DDAH1: variants seen among roughly 807,000 people sequenced by gnomAD.
The protein encoded by DDAH1 is dimethylarginine dimethylaminohydrolase 1, also known as N(G),N(G)-dimethylarginine dimethylaminohydrolase 1.
Under a neutral mutation model 28.8 loss-of-function variants are expected in DDAH1, and 19 were observed. That is an observed-to-expected ratio of 0.66 (90% confidence interval 0.46 to 0.97). DDAH1 has a LOEUF of 0.97. Among genes scored for constraint, DDAH1 ranks in the 50% least tolerant of loss-of-function variants. The pLI is 0.00. For missense variants in DDAH1, 326 were observed against 375.9 expected, an observed-to-expected ratio of 0.87 and a Z score of 1.10; for synonymous variants, 153 against 154.4, an observed-to-expected ratio of 0.99 and a Z score of 0.07.
chr1:85,432,298 A>G (rs1373538615), intron 1 of DDAH1, among the ~76,000 whole-genome samples: 3 of 152,210 alleles, frequency 2.0e-5, no homozygotes, highest in Admixed American at 1.3e-4. Flanking sequence ...GCTAACAGGT[A>G]CATGGTTAAG....
intron 1 of DDAH1, among the ~76,000 whole-genome samples, chr1:85,423,855 C>CT (rs1160894181): frequency 6.6e-6 from 1 of 152,176 alleles, no homozygotes; most frequent in Non-Finnish European, 1.5e-5. Flanking sequence ...GAAATCCTTG[C>CT]TTTGTTCCCA....
At chr1:85,387,220 C>G (rs1651317404) in intron 1 of DDAH1, among the ~76,000 whole-genome samples, 1 of 152,134 alleles carries the variant, frequency 6.6e-6, no homozygotes, top group Non-Finnish European at 1.5e-5. Context: ...TCTAAAAGTG[C>G]TTTTTCCTTC....
intron 1 of DDAH1, among the ~76,000 whole-genome samples, chr1:85,424,224 C>A (rs949121376): frequency 3.3e-5 from 5 of 152,112 alleles, no homozygotes; most frequent in African/African-American, 1.2e-4. Flanking sequence ...ACTGGCCACA[C>A]AGAATGAGTT....
rs142668085 is a variant in DDAH1 at position 85,416,817 on chromosome 1, A to G, written c.303+47926T>C. Among the ~76,000 whole-genome samples, 41 of 152,006 alleles carry G rather than the reference A, an allele frequency of 2.7e-4. No individual in the cohort carries two copies. The East Asian group carries it at 7.8e-3, about 29-fold the overall frequency. On this transcript the variant is annotated intron_variant, in intron 1 of 5. Transcript: ENST00000284031. ...TGAGTAGCTGTGACCACAGGTGCACATCACTACATCCAGCTAATTTTTGTT... is the reference window on the plus strand; with the variant it reads ...TGAGTAGCTGTGACCACAGGTGCACGTCACTACATCCAGCTAATTTTTGTT...
chr1:85,440,765 C>T (rs931111448), intron 1 of DDAH1, among the ~76,000 whole-genome samples: 1 of 152,242 alleles, frequency 6.6e-6, no homozygotes, highest in Non-Finnish European at 1.5e-5. Flanking sequence ...ACACCATCAA[C>T]CCCCTTAACA....
chr1:85,453,213 C>T (rs77138894), intron 1 of DDAH1, among the ~76,000 whole-genome samples: 2,562 of 152,236 alleles, frequency 0.017, 71 homozygotes, highest in East Asian at 0.12. Context: ...TTATCCCATC[C>T]ACTCACCAAG....
intron 2 of DDAH1, among the ~76,000 whole-genome samples, chr1:85,474,704 G>T (rs1357238704): frequency 1.3e-5 from 2 of 152,158 alleles, no homozygotes; most frequent in Non-Finnish European, 2.9e-5. Flanking sequence ...CTCAATTCCG[G>T]TGTGTAGAGA....
At chr1:85,478,433 C>T (rs942721352) in intron 2 of DDAH1, among the ~76,000 whole-genome samples, 15 of 152,296 alleles carry the variant, frequency 9.8e-5, no homozygotes, top group African/African-American at 3.6e-4. Context: ...CTGAGGAGGC[C>T]TCACAATCAT....
At chr1:85,439,549 T>C (rs547337862) in intron 1 of DDAH1, among the ~76,000 whole-genome samples, 105 of 152,370 alleles carry the variant, frequency 6.9e-4, no homozygotes, top group Non-Finnish European at 1.0e-3. Flanking sequence ...ACACTATACA[T>C]GACACTCTTC....
chr1:85,455,131 A>T (rs1440655658), intron 1 of DDAH1, among the ~76,000 whole-genome samples: 1 of 152,236 alleles, frequency 6.6e-6, no homozygotes, highest in East Asian at 1.9e-4. Context: ...AAATCTCTTC[A>T]CACAAAACTC....
chr1:85,427,514 G>A (rs1653464221), intron 1 of DDAH1, among the ~76,000 whole-genome samples: 1 of 152,184 alleles, frequency 6.6e-6, no homozygotes, highest in Admixed American at 6.6e-5. Flanking sequence ...ACAGCAGTGA[G>A]ATCTTTATCT....
chr1:85,329,314 T>C (rs1647619793), intron 4 of DDAH1, among the ~76,000 whole-genome samples: 1 of 152,214 alleles, frequency 6.6e-6, no homozygotes, highest in Admixed American at 6.5e-5. Context: ...GTTTCCATGC[T>C]CTGCCCTATC....
chr1:85,566,491 C>CAAAA (rs200302503), intron 1 of DDAH1, among the ~76,000 whole-genome samples: 8 of 84,726 alleles, frequency 9.4e-5, no homozygotes, highest in African/African-American at 2.9e-4. Context: ...GACCCCATCT[C>CAAAA]AAAAAAAAAA....
At chr1:85,422,839 T>G (rs1653208539) in intron 1 of DDAH1, among the ~76,000 whole-genome samples, 1 of 152,162 alleles carries the variant, frequency 6.6e-6, no homozygotes, top group Non-Finnish European at 1.5e-5. Flanking sequence ...TTGTTCTCCC[T>G]GTCTATGTGC....
At chr1:85,509,684 T>G (rs1657154595) in intron 1 of DDAH1, among the ~76,000 whole-genome samples, 1 of 152,150 alleles carries the variant, frequency 6.6e-6, no homozygotes, top group Non-Finnish European at 1.5e-5. Flanking sequence ...GAGAACTTTG[T>G]GACATATGCA....
intron 1 of DDAH1, among the ~76,000 whole-genome samples, chr1:85,567,727 C>T (rs1188011488): frequency 2.6e-5 from 4 of 152,098 alleles, no homozygotes; most frequent in South Asian, 4.2e-4. Flanking sequence ...CAAAATACAT[C>T]GAGCAAAACC....
chr1:85,395,443 T>G (rs1364482404), intron 1 of DDAH1, among the ~76,000 whole-genome samples: 1 of 152,056 alleles, frequency 6.6e-6, no homozygotes, highest in African/African-American at 2.4e-5. Context: ...GAGGCCAAGG[T>G]GGGTGGATCA....
intron 1 of DDAH1, among the ~76,000 whole-genome samples, chr1:85,416,028 TAAAG>T (rs1484838299): frequency 6.6e-6 from 1 of 152,136 alleles, no homozygotes; most frequent in Non-Finnish European, 1.5e-5. Context: ...CAAATAATAT[TAAAG>T]AAAGAAAAGC....
chr1:85,436,473 C>T (rs1007115590), intron 1 of DDAH1, among the ~76,000 whole-genome samples: 5 of 152,084 alleles, frequency 3.3e-5, no homozygotes, highest in East Asian at 1.9e-4. Flanking sequence ...ATCATTAATA[C>T]GAATGTGTTA....
Sources: allele counts gnomAD v4.1 joint callset (sites outside exome capture counted in the v4.1 genomes callset), GRCh38; gene constraint gnomAD v4.1.1; transcripts MANE v1.5; gene names NCBI Gene and HGNC (gene_info 2026-07-23, HGNC 2026-07-21).